DSCAM: variants seen among roughly 807,000 people sequenced by gnomAD.
The protein encoded by DSCAM is DS cell adhesion molecule, also known as cell adhesion molecule DSCAM.
Under a neutral mutation model 217.7 loss-of-function variants are expected in DSCAM, and 47 were observed. That is an observed-to-expected ratio of 0.22 (90% CI 0.17 to 0.28). The LOEUF is 0.28. Ranked by LOEUF, DSCAM falls within the 10% of genes least tolerant of loss-of-function variation. The pLI, the probability that DSCAM is intolerant of heterozygous loss-of-function variation, is 1.00. For missense variants in DSCAM, 2,080 were observed against 2,618.3 expected (o/e 0.79, Z 4.49); for synonymous variants, 1,056 against 1,015.3 (o/e 1.04, Z -0.76).
At chr21:40,058,716 G>A (rs1310361043) in intron 28 of DSCAM, among the ~76,000 whole-genome samples, 1 of 152,100 alleles carries the variant, frequency 6.6e-6, no homozygotes, top group Non-Finnish European at 1.5e-5. Context: ...ACAATCTATT[G>A]TTACATTTAT....
chr21:40,331,742 C>T (rs1223890845), intron 8 of DSCAM, among the ~76,000 whole-genome samples: 1 of 152,106 alleles, frequency 6.6e-6, no homozygotes, highest in African/African-American at 2.4e-5. Context: ...TATGTAAAAG[C>T]GAATGTTTCT....
At chr21:40,418,752 GATAA>G (rs1416019493) in intron 3 of DSCAM, among the ~76,000 whole-genome samples, 1 of 152,072 alleles carries the variant, frequency 6.6e-6, no homozygotes, top group Non-Finnish European at 1.5e-5. Flanking sequence ...GAAAAAACAT[GATAA>G]ATGAATTAAG....
intron 11 of DSCAM, among the ~76,000 whole-genome samples, chr21:40,193,080 T>A (rs535886765): frequency 4.6e-5 from 7 of 152,178 alleles, no homozygotes; most frequent in Non-Finnish European, 1.0e-4. Flanking sequence ...AGAGGAGGTG[T>A]TAAGATTCAG....
chr21:40,801,887 G>T (rs1380356109), intron 1 of DSCAM, among the ~76,000 whole-genome samples: 2 of 151,696 alleles, frequency 1.3e-5, no homozygotes, highest in South Asian at 2.1e-4. Flanking sequence ...ACTTGTCACA[G>T]GGGGGGTTGC....
chr21:40,451,160 T>G (rs529475173), intron 3 of DSCAM, among the ~76,000 whole-genome samples: 1 of 152,298 alleles, frequency 6.6e-6, no homozygotes, highest in South Asian at 2.1e-4. Context: ...CCCACTGGAA[T>G]TTGGATCGCC....
At chr21:40,789,656 C>G (rs544101097) in intron 1 of DSCAM, among the ~76,000 whole-genome samples, 1 of 150,946 alleles carries the variant, frequency 6.6e-6, no homozygotes, top group Non-Finnish European at 1.5e-5. Flanking sequence ...CCCGGGTTCA[C>G]GCCATTCTCC....
intron 3 of DSCAM, among the ~76,000 whole-genome samples, chr21:40,612,610 C>T (rs2089330775): frequency 6.6e-6 from 1 of 152,136 alleles, no homozygotes; most frequent in South Asian, 2.1e-4. Flanking sequence ...GAGTCCTGTC[C>T]AAATCTCATG....
intron 1 of DSCAM, among the ~76,000 whole-genome samples, chr21:40,722,070 G>T (rs1321025495): frequency 6.6e-6 from 1 of 151,900 alleles, no homozygotes; most frequent in Non-Finnish European, 1.5e-5. Context: ...TCAACCTAAA[G>T]CTCTATATGC....
intron 32 of DSCAM, among the ~76,000 whole-genome samples, chr21:40,025,646 A>G (rs1032708466): frequency 2.0e-5 from 3 of 150,912 alleles, no homozygotes; most frequent in Non-Finnish European, 4.4e-5. Flanking sequence ...TAGATTTTCT[A>G]GTTTATTTGC....
intron 18 of DSCAM, among the ~76,000 whole-genome samples, chr21:40,137,741 A>T (rs995680021): frequency 1.3e-5 from 2 of 152,120 alleles, no homozygotes; most frequent in African/African-American, 4.8e-5. Flanking sequence ...TCTATTAAAA[A>T]TTTTGTTTTA....
At chr21:40,639,383 ATACT>A (rs2089849152) in intron 3 of DSCAM, among the ~76,000 whole-genome samples, 1 of 152,202 alleles carries the variant, frequency 6.6e-6, no homozygotes, top group African/African-American at 2.4e-5. Flanking sequence ...AGATCATGTG[ATACT>A]TAGATACTGA....
At chr21:40,695,687 T>C (rs1360868636) in intron 2 of DSCAM, among the ~76,000 whole-genome samples, 1 of 152,184 alleles carries the variant, frequency 6.6e-6, no homozygotes, top group Non-Finnish European at 1.5e-5. Context: ...AGAAAATACT[T>C]GGCACACAAG....
intron 3 of DSCAM, among the ~76,000 whole-genome samples, chr21:40,444,812 T>C (rs1267473163): frequency 6.6e-6 from 1 of 152,160 alleles, no homozygotes; most frequent in Non-Finnish European, 1.5e-5. Flanking sequence ...TTACATATGA[T>C]GGTGGGATTT....
At chr21:40,791,450 C>T (rs1252617141) in intron 1 of DSCAM, among the ~76,000 whole-genome samples, 1 of 151,756 alleles carries the variant, frequency 6.6e-6, no homozygotes, top group Non-Finnish European at 1.5e-5. Context: ...GTCAGGAGAT[C>T]GAGACCATCC....
intron 3 of DSCAM, among the ~76,000 whole-genome samples, chr21:40,500,321 C>T (rs2076161316): frequency 6.6e-6 from 1 of 152,112 alleles, no homozygotes; most frequent in African/African-American, 2.4e-5. Flanking sequence ...GTAACATAGA[C>T]ATTCTAGTAA....
At chr21:40,173,323 G>A (rs994049052) in intron 15 of DSCAM, among the ~76,000 whole-genome samples, 2 of 152,176 alleles carry the variant, frequency 1.3e-5, no homozygotes, top group Non-Finnish European at 2.9e-5. Context: ...TTTGAAAGTG[G>A]TAAGGGAAGA....
chr21:40,357,719 G>A (rs1345499595), intron 4 of DSCAM, among the ~76,000 whole-genome samples: 3 of 151,992 alleles, frequency 2.0e-5, no homozygotes, highest in South Asian at 2.1e-4. Context: ...TGTGGGGTGC[G>A]GGGAGGGGGG....
At position 40,212,304 on chromosome 21, in the gene DSCAM, T is replaced by A. The variant is rs536319406; in HGVS notation, c.2357-23066A>T. 2.6e-5 allele frequency: 4 copies of A among 154,322 alleles called. No homozygotes were observed. The South Asian group carries it at 8.2e-4, about 31-fold the overall frequency. 9.6% of individuals were successfully genotyped at this position (154,322 alleles called of 1,614,324 possible). On this transcript the variant is annotated intron_variant, in intron 11 of 32. Coordinates refer to ENST00000400454, the MANE Select transcript of DSCAM (RefSeq NM_001389.5). ...TTTTTTTATTGCAAAGAAGGAAGGG[T>A]GCTCAAGGCATAGAGAACAACACAG...
At chr21:40,496,899 A>G (rs886522381) in intron 3 of DSCAM, among the ~76,000 whole-genome samples, 6 of 152,204 alleles carry the variant, frequency 3.9e-5, no homozygotes, top group African/African-American at 1.2e-4. Context: ...AATGCTCAAC[A>G]TCATTAATCA....
Sources: allele counts gnomAD v4.1 joint callset (sites outside exome capture counted in the v4.1 genomes callset), GRCh38; gene constraint gnomAD v4.1.1; transcripts MANE v1.5; gene names NCBI Gene and HGNC (gene_info 2026-07-23, HGNC 2026-07-21).